The following TARBP1 variants were observed in gnomAD, a reference collection of about 807,000 sequenced individuals.
TARBP1 encodes tRNA (guanosine(18)-2'-O)-methyltransferase TARBP1.
Under a neutral mutation model 178.6 loss-of-function variants are expected in TARBP1, and 144 were observed. The observed-to-expected ratio is 0.81, with a 90% CI of 0.70 to 0.93. TARBP1 has a LOEUF of 0.93. Among genes scored for constraint, TARBP1 ranks in the 40% least tolerant of loss-of-function variants. TARBP1 has a pLI of 0.00. For synonymous variants in TARBP1, 787 were observed against 781.0 expected (o/e 1.01, Z -0.13); for missense variants, 2,067 against 2,011.7 (o/e 1.03, Z -0.53).
At chr1:234,456,773 C>G (rs180747484) in intron 9 of TARBP1, among the ~76,000 whole-genome samples, 2 of 152,112 alleles carry the variant, frequency 1.3e-5, no homozygotes, top group East Asian at 3.9e-4. Flanking sequence ...AAAAACTAAA[C>G]CAAAAAATAT....
In TARBP1 at chr1:234,429,561, G is replaced by T. The variant is rs1435510649; in HGVS notation, c.2726C>A (p.Thr909Asn). ...CGGTTCCAGAATTTCACTCCCTGTG[G>T]TTGGTATAAGGGTGTGATATTTTTT... ...LLKKYHTLIP[T>N]TGSEILEPFL... Residue 909 changes from threonine to asparagine, a missense_variant, in exon 16 of 30, where the codon ACC becomes AAC. Transcript: ENST00000040877. The T allele has an allele frequency of 6.2e-7, 1 of 1,614,138 alleles. No individual in the cohort carries two copies. Among genetic ancestry groups the T allele is most frequent in the East Asian group, 2.2e-5 (1 of 44,854 alleles).
intron 24 of TARBP1, among the ~76,000 whole-genome samples, chr1:234,401,720 G>T (rs1660693367): frequency 6.6e-6 from 1 of 152,154 alleles, no homozygotes; most frequent in African/African-American, 2.4e-5. Context: ...TAAAATTCAT[G>T]ATCATCAACC....
At chr1:234,420,921 G>T (rs2103097326) in intron 20 of TARBP1, 109 bp from the exon 21 acceptor site, 3 of 555,640 alleles carry the variant, frequency 5.4e-6, no homozygotes, top group Non-Finnish European at 9.3e-6. Context: ...AGGCACAGGG[G>T]CTTTTTCTTC....
intron 23 of TARBP1, 161 bp from the exon 24 acceptor site, chr1:234,406,260 T>C: frequency 3.1e-6 from 2 of 640,254 alleles, no homozygotes; most frequent in Admixed American, 5.9e-5. Context: ...CCTGGTCAAA[T>C]GCGGTGCACA....
At chr1:234,464,100 T>C (rs1186629251) in intron 5 of TARBP1, among the ~76,000 whole-genome samples, 166 bp from the exon 6 acceptor site, 1 of 152,196 alleles carries the variant, frequency 6.6e-6, no homozygotes, top group East Asian at 1.9e-4. Flanking sequence ...ATTCTGAGAA[T>C]TTTTCTGATT....
Position 234,412,971 on chromosome 1 carries a change from T to G in TARBP1, c.3706-2440A>C, listed in dbSNP as rs142153421. Among the ~76,000 whole-genome samples, 798 of 152,256 alleles carry G rather than the reference T, an allele frequency of 5.2e-3. 3 individuals carry two copies. Among genetic ancestry groups the G allele is most frequent in the African/African-American group, 0.017 (716 of 41,548 alleles). On this transcript the variant is annotated intron_variant, in intron 22 of 29. Coordinates refer to ENST00000040877, the MANE Select transcript of TARBP1 (RefSeq NM_005646.4). ...TCCAGAGGTTGGATGAGCACTTGCA[T>G]GTCAGGACATGACCCGCCTGCGCCC...
intron 9 of TARBP1, among the ~76,000 whole-genome samples, chr1:234,455,414 A>G (rs1270807589): frequency 6.6e-6 from 1 of 152,250 alleles, no homozygotes; most frequent in Non-Finnish European, 1.5e-5. Context: ...CAGTTCGGCA[A>G]TGGGGGAAAT....
intron 3 of TARBP1, 59 bp from the exon 4 acceptor site, chr1:234,467,709 C>A: frequency 6.9e-7 from 1 of 1,442,422 alleles, no homozygotes; most frequent in Non-Finnish European, 9.2e-7. Flanking sequence ...ACCATCAAGA[C>A]TACATACTCA....
At chr1:234,463,756 TG>T in intron 6 of TARBP1, 80 bp downstream of exon 6, 1 of 654,526 alleles carries the variant, frequency 1.5e-6, no homozygotes, top group Non-Finnish European at 2.5e-6. Flanking sequence ...TAATAGTTGA[TG>T]GTGCTTATAA....
intron 8 of TARBP1, 88 bp downstream of exon 8, chr1:234,459,142 G>C (rs1389212561): frequency 1.2e-6 from 1 of 856,214 alleles, no homozygotes; most frequent in African/African-American, 1.7e-5. Context: ...TCTAATGGCA[G>C]TATCACAGGT....
Position 234,425,693 on chromosome 1 carries a change from C to A in TARBP1, c.3424G>T (p.Ala1142Ser). Reference sequence around the variant, plus strand: ...CTTACTTTATCTAATAGCTTGATTGCAAGATCCTCAATAAACAACTTGTGG... The same window carrying A: ...CTTACTTTATCTAATAGCTTGATTGAAAGATCCTCAATAAACAACTTGTGG... Reference protein sequence around the residue: ...MSHKLFIEDLAIKLLDKDELV... With the variant: ...MSHKLFIEDLSIKLLDKDELV... The change falls in exon 20 of 30, where the codon GCA (alanine) becomes TCA (serine). Residue 1142 changes from alanine to serine, a missense_variant. Ala to Ser is a moderately conservative substitution (Grantham distance 99). Coordinates refer to ENST00000040877, the MANE Select transcript of TARBP1 (RefSeq NM_005646.4). 2.5e-6 allele frequency: 4 copies of A among 1,611,730 alleles called. No individual in the cohort carries two copies. The highest frequency in any genetic ancestry group is 3.4e-6 in the Non-Finnish European group (4 of 1,179,222).
At chr1:234,472,671 T>A (rs999857501) in intron 2 of TARBP1, 43 bp downstream of exon 2, 13 of 1,344,486 alleles carry the variant, frequency 9.7e-6, no homozygotes, top group Non-Finnish European at 1.3e-5. Context: ...AAAAGAAAAA[T>A]TGTTATCTAC....
chr1:234,442,029 A>G (rs1572334906), intron 12 of TARBP1, among the ~76,000 whole-genome samples: 1 of 151,858 alleles, frequency 6.6e-6, no homozygotes, highest in East Asian at 1.9e-4. Context: ...AGTCTCTCCA[A>G]CAAATGGTGC....
intron 26 of TARBP1, among the ~76,000 whole-genome samples, chr1:234,395,874 G>A (rs1405911598): frequency 1.7e-4 from 26 of 152,084 alleles, no homozygotes; most frequent in Admixed American, 1.6e-3. Flanking sequence ...ATGACTATAG[G>A]TAACAATAAT....
intron 1 of TARBP1, among the ~76,000 whole-genome samples, chr1:234,473,881 T>G (rs960442789): frequency 6.6e-6 from 1 of 152,050 alleles, no homozygotes; most frequent in Non-Finnish European, 1.5e-5. Context: ...GAAGAAAACT[T>G]TTAAAAGAGT....
At chr1:234,427,087 G>C (rs186566896) in intron 19 of TARBP1, among the ~76,000 whole-genome samples, 2 of 152,006 alleles carry the variant, frequency 1.3e-5, no homozygotes, top group Non-Finnish European at 2.9e-5. Flanking sequence ...CGCTGGAGTC[G>C]GCACTAAAAA....
At chr1:234,429,756 T>C in intron 15 of TARBP1, 79 bp from the exon 16 acceptor site, 15 of 777,180 alleles carry the variant, frequency 1.9e-5, no homozygotes, top group Non-Finnish European at 2.3e-5. Context: ...CACTATCCTT[T>C]CTAAAGGTGG....
chr1:234,453,978 G>A (rs1316502717), intron 9 of TARBP1, among the ~76,000 whole-genome samples: 3 of 152,184 alleles, frequency 2.0e-5, no homozygotes, highest in African/African-American at 7.2e-5. Flanking sequence ...AGACACTGAT[G>A]CATTACAGAA....
chr1:234,451,296 A>C (rs1666728002), intron 9 of TARBP1, among the ~76,000 whole-genome samples: 1 of 152,232 alleles, frequency 6.6e-6, no homozygotes, highest in Non-Finnish European at 1.5e-5. Flanking sequence ...CTTAATAAGC[A>C]AATTCAATAA....
Sources: allele counts gnomAD v4.1 joint callset (sites outside exome capture counted in the v4.1 genomes callset), GRCh38; gene constraint gnomAD v4.1.1; transcripts MANE v1.5; gene names NCBI Gene and HGNC (gene_info 2026-07-23, HGNC 2026-07-21).